TREH: variants seen among roughly 807,000 people sequenced by gnomAD.
TREH encodes the protein trehalase.
Under a neutral mutation model 80.5 loss-of-function variants are expected in TREH, and 69 were observed. The observed-to-expected ratio is 0.86, with a 90% confidence interval of 0.71 to 1.05. The LOEUF (loss-of-function observed/expected upper bound fraction) is 1.05, where lower values mean the gene tolerates loss of function less well. Ranked by LOEUF, TREH falls within the 50% of genes least tolerant of loss-of-function variation. TREH has a pLI of 0.00. For missense variants in TREH, 716 were observed against 718.8 expected, an observed-to-expected ratio of 1.00 and a Z score of 0.04; for synonymous variants, 309 against 293.5, an observed-to-expected ratio of 1.05 and a Z score of -0.54.
At chr11:118,659,057 C>G in intron 12 of TREH, 40 bp from the exon 13 acceptor site, 1 of 1,587,240 alleles carries the variant, frequency 6.3e-7, no homozygotes, top group Non-Finnish European at 8.6e-7. Context: ...TCCAGGTCTC[C>G]CATCCCAGAC....
chr11:118,675,959 T>C (rs1565531545), intron 1 of TREH, among the ~76,000 whole-genome samples: 1 of 152,198 alleles, frequency 6.6e-6, no homozygotes, highest in Non-Finnish European at 1.5e-5. Context: ...CACCTCGGCC[T>C]CCCAAAGTGT....
In TREH at chr11:118,674,262, C is replaced by T. The variant is rs1555146614; in HGVS notation, c.89+5277G>A. 6.6e-6 allele frequency among the ~76,000 whole-genome samples: 1 copy of T among 152,224 alleles called. No individual in the cohort carries two copies. Among genetic ancestry groups the T allele is most frequent in the African/African-American group, 2.4e-5 (1 of 41,454 alleles). ...AATTATCTAGTCCAAAGTCTCAGCA[C>T]TCGTGCCAGGAGGTGCTCTAAGACT... On this transcript the variant is annotated intron_variant, in intron 1 of 14. Transcript: ENST00000264029. This position sits in a 1 kb window ranked among gnomAD's most constrained non-coding sequence, Gnocchi z 4.4.
In TREH at chr11:118,659,442, A is replaced by G. The variant is rs782701404; in HGVS notation, c.1360T>C (p.Ser454Pro). ...ILTYQYGIPTSLQKTGQQWDF... is the reference protein window; with the variant it reads ...ILTYQYGIPTPLQKTGQQWDF... ...CACTGCTGGCCTGTCTTCTGGAGAG[A>G]GGTCGGGATCCCATACTGGTAAGTC... The change falls in exon 12 of 15, where the codon TCT (serine) becomes CCT (proline). Residue 454 changes from serine to proline, a missense_variant. Physicochemically the swap from Ser to Pro is moderately conservative, Grantham distance 74. Coordinates refer to ENST00000264029, the MANE Select transcript of TREH (RefSeq NM_007180.3). 6.2e-7 allele frequency: 1 copy of G among 1,607,014 alleles called. No homozygotes were observed. Among genetic ancestry groups the G allele is most frequent in the Non-Finnish European group, 8.5e-7 (1 of 1,176,410 alleles).
Position 118,658,983 on chromosome 11 carries a change from T to C in TREH, c.1467A>G (p.Glu489=). ...AATTCTGAGCCAGCTGGAAAGCCAC[T>C]TCCTGGGCCCGACGTAAAGGTGCCT... is the stretch of plus-strand genomic sequence containing the variant. ...LAKAPLRRAQ[E]VAFQLAQNWI... The change falls in exon 13 of 15, where the codon GAA becomes GAG. Residue 489 remains glutamate, a synonymous_variant. Coordinates refer to ENST00000264029, the MANE Select transcript of TREH (RefSeq NM_007180.3). The C allele has an allele frequency of 1.2e-6, 2 of 1,613,834 alleles. No homozygotes were observed. The highest frequency in any genetic ancestry group is 1.7e-6 in the Non-Finnish European group (2 of 1,179,858).
Position 118,661,962 on chromosome 11 carries a change from T to C in TREH, c.452A>G (p.Glu151Gly). 1 of 1,554,288 alleles carries C rather than the reference T, an allele frequency of 6.4e-7. No homozygotes were observed. The highest frequency in any genetic ancestry group is 8.7e-7 in the Non-Finnish European group (1 of 1,148,604). Residue 151 changes from glutamate (E) to glycine (G), a missense_variant, in exon 5 of 15, where the codon GAG becomes GGG. Coordinates refer to ENST00000264029, the MANE Select transcript of TREH (RefSeq NM_007180.3). This position sits in a 1 kb window ranked among gnomAD's most constrained non-coding sequence, Gnocchi z 4.2. ...TTCTGAGTAGATGAGAGAGAACCGCTCAGGGTGGCTGAGAACCTCTGGCTT... is the reference window on the plus strand; with the variant it reads ...TTCTGAGTAGATGAGAGAGAACCGCCCAGGGTGGCTGAGAACCTCTGGCTT... The part of the protein sequence containing the change: ...KMKPEVLSHP[E>G]RFSLIYSEHP...
At position 118,659,492 on chromosome 11, in the gene TREH, C is replaced by A. The variant is rs782324008; in HGVS notation, c.1321-11G>T. ...CAGGATCCGGTTGTCCTAGAAGGTC[C>A]CAGACATTCCCATGACTGTGGGTGG... On this transcript the variant is annotated splice_polypyrimidine_tract_variant and intron_variant, in intron 11 of 14. Transcript: ENST00000264029. The A allele has an allele frequency of 8.3e-6, 13 of 1,557,806 alleles. 1 individual carries two copies. In the East Asian group the frequency reaches 3.0e-4, roughly 36 times the overall value.
intron 4 of TREH, chr11:118,662,592 C>A: frequency 2.2e-6 from 1 of 447,618 alleles, no homozygotes; most frequent in Non-Finnish European, 4.1e-6. Context: ...AACATCTACC[C>A]AGTGGTGCCA....
rs1555144968 is a variant in TREH at position 118,661,515 on chromosome 11, A to G, written c.618-6T>C. 2 of 1,613,320 alleles carry G rather than the reference A, an allele frequency of 1.2e-6. No homozygotes were observed. Among genetic ancestry groups the G allele is most frequent in the Admixed American group, 3.3e-5 (2 of 59,894 alleles). On this transcript the variant is annotated splice_polypyrimidine_tract_variant and splice_region_variant and intron_variant, in intron 6 of 14. Coordinates refer to ENST00000264029, the MANE Select transcript of TREH (RefSeq NM_007180.3). The surrounding 1 kb of genome is among the most constrained non-coding windows in gnomAD (Gnocchi z 4.2). ...CATTGGGGACATGCCCATAGCTGCCAAGGGGAAGGCCTGCTGAGATGCCCT... is the reference window on the plus strand; with the variant it reads ...CATTGGGGACATGCCCATAGCTGCCGAGGGGAAGGCCTGCTGAGATGCCCT...
chr11:118,659,024 C>G lies in TREH; in HGVS notation c.1433-7G>C. Reference sequence around the variant, plus strand: ...AAAGGTGCCTTGGCCAGGCCTAGACCCCATTGCAGGCAGGACTCAACCTCC... The same window carrying G: ...AAAGGTGCCTTGGCCAGGCCTAGACGCCATTGCAGGCAGGACTCAACCTCC... On this transcript the variant is annotated splice_region_variant and splice_polypyrimidine_tract_variant and intron_variant, in intron 12 of 14. Coordinates refer to ENST00000264029, the MANE Select transcript of TREH (RefSeq NM_007180.3). The G allele has an allele frequency of 1.2e-6, 2 of 1,613,206 alleles. No individual in the cohort carries two copies. The highest frequency in any genetic ancestry group is 2.2e-5 in the South Asian group (2 of 91,064).
chr11:118,660,455 A>G (rs1372625079), intron 10 of TREH, 84 bp downstream of exon 10: 1 of 1,414,268 alleles, frequency 7.1e-7, no homozygotes, highest in Non-Finnish European at 9.5e-7. Context: ...GGCCTGTCAC[A>G]CAAGGGTCCT....
Position 118,661,943 on chromosome 11 carries a change from G to A in TREH, c.471C>T (p.Tyr157=), listed in dbSNP as rs1555145096. The A allele has an allele frequency of 2.6e-6, 4 of 1,555,904 alleles. No individual in the cohort carries two copies. The highest frequency in any genetic ancestry group is 1.9e-5 in the Admixed American group (1 of 51,290). The change falls in exon 5 of 15, where the codon TAC becomes TAT. Residue 157 remains tyrosine (Y), a synonymous_variant. Coordinates refer to ENST00000264029, the MANE Select transcript of TREH (RefSeq NM_007180.3). This position sits in a 1 kb window ranked among gnomAD's most constrained non-coding sequence, Gnocchi z 4.2. The part of the protein sequence containing the change: ...LSHPERFSLI[Y]SEHPFIVPGG... Reference sequence around the variant, plus strand: ...CAGGCACAATGAAGGGATGTTCTGAGTAGATGAGAGAGAACCGCTCAGGGT... The same window carrying A: ...CAGGCACAATGAAGGGATGTTCTGAATAGATGAGAGAGAACCGCTCAGGGT...
At position 118,662,952 on chromosome 11, in the gene TREH, T is replaced by G. The variant is rs1555145261; in HGVS notation, c.352A>C (p.Lys118Gln). 6.2e-7 allele frequency: 1 copy of G among 1,612,606 alleles called. No homozygotes were observed. Among genetic ancestry groups the G allele is most frequent in the Admixed American group, 1.7e-5 (1 of 59,776 alleles). Residue 118 changes from lysine to glutamine, a missense_variant, in exon 4 of 15, where the codon AAG (lysine) becomes CAG (glutamine). Lys to Gln is a moderately conservative substitution (Grantham distance 53). Coordinates refer to ENST00000264029, the MANE Select transcript of TREH (RefSeq NM_007180.3). ...GCACGCAGTTTGGCATCTGAAATCT[T>G]CTGCAGGAACTGGGGGCTGAAAGAA... is the stretch of plus-strand genomic sequence containing the variant. ...DWKDSPQFLQ[K>Q]ISDAKLRAWA...
In TREH at chr11:118,658,188, A is replaced by G. The variant is rs1293475614; in HGVS notation, c.*101T>C. 2.6e-5 allele frequency: 38 copies of G among 1,455,308 alleles called. 1 individual carries two copies. In the East Asian group the frequency reaches 4.5e-4, roughly 17 times the overall value. 90.1% of individuals were successfully genotyped at this position (1,455,308 alleles called of 1,614,324 possible). A position where few individuals can be genotyped will look rare whatever the true frequency, so the allele number is the denominator to read the frequency against. On this transcript the variant is annotated 3_prime_UTR_variant, in exon 15 of 15. Transcript: ENST00000264029. ...CTGCCCTCCACTTCGCTCTGAGGAC[A>G]GGCTGGGAGGTAGGAGGGCATGAAG...
At chr11:118,677,793 G>A (rs1309235440) in intron 1 of TREH, among the ~76,000 whole-genome samples, 1 of 152,204 alleles carries the variant, frequency 6.6e-6, no homozygotes, top group Non-Finnish European at 1.5e-5. Flanking sequence ...TCACTGGCCT[G>A]AGGTTGGTCT....
intron 1 of TREH, among the ~76,000 whole-genome samples, chr11:118,670,941 C>T (rs1411860018): frequency 6.6e-6 from 1 of 152,166 alleles, no homozygotes; most frequent in Admixed American, 6.5e-5. Flanking sequence ...CATTTATTCC[C>T]AGCTACTACA....
At chr11:118,663,264 T>G in intron 2 of TREH, 68 bp from the exon 3 acceptor site, 1 of 1,564,294 alleles carries the variant, frequency 6.4e-7, no homozygotes, top group African/African-American at 1.4e-5. Flanking sequence ...CAGGGGCCTC[T>G]CTACTTGGTC....
chr11:118,671,932 A>T (rs1191636574), intron 1 of TREH, among the ~76,000 whole-genome samples: 1 of 152,192 alleles, frequency 6.6e-6, no homozygotes. Context: ...AGGAAAAAAA[A>T]ACTTTTACCC....
Position 118,663,423 on chromosome 11 carries a change from C to G in TREH, c.106G>C (p.Gly36Arg), listed in dbSNP as rs782398259. ...PPCESEIYCH[G>R]ELLNQVQMAK... The stretch of plus-strand genomic sequence containing the variant: ...ATTTGAACTTGGTTTAGGAGCTCCC[C>G]GTGGCAGTAAATCTCACTGCAGAGA... The change falls in exon 2 of 15, where the codon GGG (glycine) becomes CGG (arginine). Residue 36 changes from glycine (G) to arginine (R), a missense_variant. Physicochemically the swap from Gly to Arg is moderately radical, Grantham distance 125. Coordinates refer to ENST00000264029, the MANE Select transcript of TREH (RefSeq NM_007180.3). 2 of 1,583,568 alleles carry G rather than the reference C, an allele frequency of 1.3e-6. No homozygotes were observed. The highest frequency in any genetic ancestry group is 1.3e-5 in the African/African-American group (1 of 74,420).
At chr11:118,666,079 A>G (rs1265243169) in intron 1 of TREH, among the ~76,000 whole-genome samples, 2 of 152,326 alleles carry the variant, frequency 1.3e-5, no homozygotes, top group East Asian at 3.9e-4. Context: ...TCTACTAAAA[A>G]TACAAAAATT....
Sources: gnomAD v4.1 joint callset for allele counts (sites outside exome capture counted in the v4.1 genomes callset) on GRCh38, gnomAD v4.1.1 for gene constraint, Gnocchi (gnomAD v3.1) non-coding constraint, MANE v1.5 for transcripts, NCBI Gene and HGNC (gene_info 2026-07-23, HGNC 2026-07-21) for gene names.